SCGB1C1: variants seen among roughly 807,000 people sequenced by gnomAD.
The protein encoded by SCGB1C1 is ligand binding protein RYD5.
A neutral mutation model predicts 8.9 loss-of-function variants in SCGB1C1; 2 were observed. That is an observed-to-expected ratio of 0.23 (90% CI 0.09 to 0.71). SCGB1C1 has a LOEUF of 0.71. Among genes scored for constraint, SCGB1C1 ranks in the 30% least tolerant of loss-of-function variants. The pLI, the probability that SCGB1C1 is intolerant of heterozygous loss-of-function variation, is 0.78. For synonymous variants in SCGB1C1, 6 were observed against 45.8 expected (o/e 0.13, Z 3.51); for missense variants, 25 against 112.7 (o/e 0.22, Z 3.52).
At chr11:191,150 CTG>C (rs1475531097), upstream of SCGB1C1, among the ~76,000 whole-genome samples, 2 of 53,644 alleles carry the variant, frequency 3.7e-5, no homozygotes, top group African/African-American at 2.4e-4. Context: ...GCCCACTATC[CTG>C]TGTCTTTCCC....
At chr11:192,428 G>A (rs1297749079), upstream of SCGB1C1, among the ~76,000 whole-genome samples, 1 of 151,914 alleles carries the variant, frequency 6.6e-6, no homozygotes, top group Non-Finnish European at 1.5e-5. Flanking sequence ...TGTACCTCAA[G>A]CCTGTCCCAT....
upstream of SCGB1C1, among the ~76,000 whole-genome samples, chr11:189,607 G>C (rs1486709736): frequency 6.6e-6 from 1 of 151,544 alleles, no homozygotes; most frequent in African/African-American, 2.4e-5. Context: ...CGAGAGCGCG[G>C]GGGTGGAGCG....
At chr11:191,816 AC>A (rs1451332785), upstream of SCGB1C1, among the ~76,000 whole-genome samples, 19 of 74,928 alleles carry the variant, frequency 2.5e-4, no homozygotes, top group Non-Finnish European at 4.6e-4. Flanking sequence ...CCTAACCCTA[AC>A]CCCTAACCCC....
chr11:189,111 T>C (rs1470541016), upstream of SCGB1C1, among the ~76,000 whole-genome samples: 5 of 134,548 alleles, frequency 3.7e-5, no homozygotes, highest in Non-Finnish European at 7.9e-5. Flanking sequence ...TGCCCTATTA[T>C]TTATGTAAAA....
At chr11:191,884 T>C (rs767946748), upstream of SCGB1C1, among the ~76,000 whole-genome samples, 2 of 4,450 alleles carry the variant, frequency 4.5e-4, no homozygotes, top group Non-Finnish European at 5.9e-4. Flanking sequence ...ACCCTAACCC[T>C]AACCCCTACC....
rs1460138212 is a variant in SCGB1C1, at chr11:193,592, G to T, written c.56-120G>T. ...GTGGAGGAAGCCCTGGGGAGGAGAGGTGGGCATTGAAGGGGAAGGTCTGGA... is the reference window on the plus strand; with the variant it reads ...GTGGAGGAAGCCCTGGGGAGGAGAGTTGGGCATTGAAGGGGAAGGTCTGGA... On this transcript the variant is annotated intron_variant, in intron 1 of 2. Transcript: ENST00000342878. 4 of 1,334,744 alleles carry T rather than the reference G, an allele frequency of 3.0e-6. No individual in the cohort carries two copies. In the South Asian group the frequency reaches 5.3e-5, roughly 18 times the overall value. 82.7% of individuals were successfully genotyped at this position (1,334,744 alleles called of 1,614,324 possible).
upstream of SCGB1C1, among the ~76,000 whole-genome samples, chr11:189,469 C>T (rs1308696010): frequency 7.8e-6 from 1 of 128,946 alleles, no homozygotes; most frequent in Non-Finnish European, 1.5e-5. Flanking sequence ...CGCGCGGGCG[C>T]CGGCGCACAG....
At chr11:192,034 T>C (rs547367217), upstream of SCGB1C1, among the ~76,000 whole-genome samples, 224 of 152,226 alleles carry the variant, frequency 1.5e-3, no homozygotes, top group African/African-American at 5.2e-3. Context: ...CCCAGGCTTT[T>C]TCCAGGATGG....
upstream of SCGB1C1, among the ~76,000 whole-genome samples, chr11:189,470 C>CG (rs1453632819): frequency 3.2e-5 from 2 of 62,366 alleles, no homozygotes; most frequent in African/African-American, 2.1e-4. Flanking sequence ...GCGCGGGCGC[C>CG]GGCGCACAGT....
upstream of SCGB1C1, among the ~76,000 whole-genome samples, chr11:188,403 TAAC>T (rs1349174078): frequency 2.0e-5 from 3 of 151,266 alleles, no homozygotes; most frequent in South Asian, 2.1e-4. Flanking sequence ...TTGTCAAACA[TAAC>T]AATTCTTCAA....
upstream of SCGB1C1, among the ~76,000 whole-genome samples, chr11:191,949 G>C (rs4890209): frequency 6.6e-6 from 1 of 152,136 alleles, no homozygotes; most frequent in Non-Finnish European, 1.5e-5. Flanking sequence ...CCTAACCAAC[G>C]TTGATCCCTA....
intron 2 of SCGB1C1, 92 bp from the exon 3 acceptor site, chr11:194,326 C>G (rs1268881132): frequency 5.0e-6 from 6 of 1,201,428 alleles, no homozygotes; most frequent in East Asian, 2.3e-5. Flanking sequence ...ATGCCAGACC[C>G]CCCCCCACTG....
chr11:189,841 T>C (rs1854757395), upstream of SCGB1C1, among the ~76,000 whole-genome samples: 1 of 152,212 alleles, frequency 6.6e-6, no homozygotes, highest in Non-Finnish European at 1.5e-5. Context: ...GCCGGGGCAC[T>C]GCAGGGCTCT....
upstream of SCGB1C1, among the ~76,000 whole-genome samples, chr11:191,842 A>ACCCTAACCCCTAAC (rs1854814321): frequency 2.4e-5 from 1 of 41,694 alleles, no homozygotes; most frequent in African/African-American, 5.4e-5. Flanking sequence ...CCTAACCCTA[A>ACCCTAACCCCTAAC]CCCTAACCCT....
chr11:188,266 A>AAAAGC (rs1854711153), upstream of SCGB1C1, among the ~76,000 whole-genome samples: 2 of 152,244 alleles, frequency 1.3e-5, no homozygotes, highest in African/African-American at 4.8e-5. Context: ...AACCACAAAA[A>AAAAGC]AAAGCCAATT....
upstream of SCGB1C1, among the ~76,000 whole-genome samples, chr11:190,815 T>G (rs1854789794): frequency 6.6e-6 from 1 of 152,270 alleles, no homozygotes; most frequent in African/African-American, 2.4e-5. Flanking sequence ...AATGTCCTTC[T>G]CTGCCCTAAT....
At chr11:191,896 CT>C (rs1854819501), upstream of SCGB1C1, among the ~76,000 whole-genome samples, 1 of 45,090 alleles carries the variant, frequency 2.2e-5, no homozygotes, top group African/African-American at 6.6e-5. Flanking sequence ...ACCCCTACCC[CT>C]AACCCCTAAC....
chr11:189,455 G>T (rs1189011606), upstream of SCGB1C1, among the ~76,000 whole-genome samples: 20 of 130,502 alleles, frequency 1.5e-4, no homozygotes, highest in African/African-American at 7.7e-4. Context: ...GCACAGAGGC[G>T]CGGCGCGCGG....
At chr11:189,424 ACG>A (rs1854733337), upstream of SCGB1C1, among the ~76,000 whole-genome samples, 2 of 145,072 alleles carry the variant, frequency 1.4e-5, no homozygotes, top group South Asian at 4.4e-4. Flanking sequence ...ATTGACAGAG[ACG>A]CGGCGCGCCG....
Sources: gnomAD v4.1 joint callset for allele counts (sites outside exome capture counted in the v4.1 genomes callset) on GRCh38, gnomAD v4.1.1 for gene constraint, MANE v1.5 for transcripts, NCBI Gene and HGNC (gene_info 2026-07-23, HGNC 2026-07-21) for gene names.